The following DISC1 variants were observed in gnomAD, a reference collection of about 807,000 sequenced individuals.
DISC1 encodes disrupted in schizophrenia 1 protein.
In DISC1, 57 loss-of-function variants were observed where a neutral mutation model predicts 84.5. That is an observed-to-expected ratio of 0.67 (90% CI 0.55 to 0.84). The LOEUF (loss-of-function observed/expected upper bound fraction) is 0.84. DISC1 is among the 40% of genes least tolerant of loss of function. The pLI is 0.00. For missense variants in DISC1, 1,000 were observed against 1,057.8 expected (o/e 0.95, Z 0.76); for synonymous variants, 411 against 415.2 (o/e 0.99, Z 0.12).
chr1:232,016,655 A>G (rs1251594101), intron 11 of DISC1, among the ~76,000 whole-genome samples: 1 of 152,254 alleles, frequency 6.6e-6, no homozygotes, highest in African/African-American at 2.4e-5. Context: ...TATGCCAATT[A>G]GCAAGCAATT....
intron 9 of DISC1, among the ~76,000 whole-genome samples, chr1:231,912,000 C>T (rs991382632): frequency 9.2e-5 from 14 of 152,148 alleles, no homozygotes; most frequent in African/African-American, 3.1e-4. Context: ...ACATAGTTCT[C>T]GTACCATGTT....
chr1:231,802,077 A>G (rs979212152), intron 8 of DISC1, among the ~76,000 whole-genome samples: 1 of 151,764 alleles, frequency 6.6e-6, no homozygotes, highest in African/African-American at 2.4e-5. Context: ...AATGGAGAGG[A>G]TCTTAAGGGA....
intron 9 of DISC1, among the ~76,000 whole-genome samples, chr1:231,927,963 G>A (rs1572115364): frequency 6.6e-6 from 1 of 152,322 alleles, no homozygotes; most frequent in African/African-American, 2.4e-5. Flanking sequence ...GATGTGCATT[G>A]TCTACTTGGA....
In DISC1 at chr1:231,771,232, TG is replaced by T. The variant is rs972845121; in HGVS notation, c.1634+166del. 9.4e-5 allele frequency: 93 copies of T among 985,354 alleles called. No individual in the cohort carries two copies. The African/African-American group carries it at 1.6e-3, about 17-fold the overall frequency. The allele number at this position is 985,354 out of a possible 1,614,324, so 61.0% of individuals were successfully genotyped here. On this transcript the variant is annotated intron_variant, in intron 6 of 12. Transcript: ENST00000439617. ...TTGGGTGGGAAAATTCTTCACGGTG[TG>T]GGGCAGTCCTGAACATTGCAAGTTA... is the stretch of plus-strand genomic sequence containing the variant.
intron 1 of DISC1, among the ~76,000 whole-genome samples, chr1:231,673,998 G>T (rs1157413507): frequency 6.6e-6 from 1 of 152,176 alleles, no homozygotes; most frequent in Admixed American, 6.5e-5. Context: ...GTAGGACTGA[G>T]GCCAGACTTC....
At chr1:232,004,984 CCTT>C (rs1280548125) in intron 10 of DISC1, among the ~76,000 whole-genome samples, 1 of 115,804 alleles carries the variant, frequency 8.6e-6, no homozygotes, top group African/African-American at 3.5e-5. Context: ...TTCCTTCCAT[CCTT>C]CTTCTCTTCT....
chr1:231,715,218 G>A (rs952067453), intron 3 of DISC1, among the ~76,000 whole-genome samples: 2 of 152,156 alleles, frequency 1.3e-5, no homozygotes, highest in African/African-American at 4.8e-5. Flanking sequence ...GAAGATGGGG[G>A]AACTGGTGCA....
chr1:231,702,559 C>A, intron 3 of DISC1: 1 of 985,454 alleles, frequency 1.0e-6, no homozygotes, highest in Non-Finnish European at 1.2e-6. Flanking sequence ...TTTCCACATA[C>A]ATGGCCTAAA....
intron 1 of DISC1, among the ~76,000 whole-genome samples, chr1:231,632,562 A>G (rs2058810857): frequency 6.6e-6 from 1 of 152,232 alleles, no homozygotes; most frequent in Non-Finnish European, 1.5e-5. Context: ...AAGTGGCAGT[A>G]GAGATCATGT....
At chr1:231,923,067 G>C (rs772069326) in intron 9 of DISC1, among the ~76,000 whole-genome samples, 9 of 152,066 alleles carry the variant, frequency 5.9e-5, no homozygotes, top group Non-Finnish European at 1.2e-4. Flanking sequence ...CATGAGGTCA[G>C]GACATTAAGA....
chr1:231,725,887 C>T (rs571214826), intron 3 of DISC1, among the ~76,000 whole-genome samples: 8 of 152,070 alleles, frequency 5.3e-5, no homozygotes, highest in African/African-American at 1.7e-4. Context: ...ATTGGTCCTA[C>T]GAGTGCTGGA....
At chr1:231,959,525 G>C in intron 10 of DISC1, 1 of 983,872 alleles carries the variant, frequency 1.0e-6, no homozygotes, top group Non-Finnish European at 1.2e-6. Context: ...AAGTCATTTA[G>C]TTTTATGGAG....
chr1:231,686,446 G>A (rs1208569926), intron 1 of DISC1, among the ~76,000 whole-genome samples: 1 of 152,202 alleles, frequency 6.6e-6, no homozygotes, highest in African/African-American at 2.4e-5. Flanking sequence ...AAGGCTTAGG[G>A]CTTGGACCCT....
At chr1:231,740,278 A>G (rs1464096007) in intron 3 of DISC1, among the ~76,000 whole-genome samples, 1 of 152,212 alleles carries the variant, frequency 6.6e-6, no homozygotes, top group Non-Finnish European at 1.5e-5. Context: ...TCATGATTTA[A>G]AAACATCTTG....
chr1:231,842,079 A>G (rs547108045), intron 9 of DISC1, among the ~76,000 whole-genome samples: 285 of 152,044 alleles, frequency 1.9e-3, no homozygotes, highest in Non-Finnish European at 3.2e-3. Context: ...GACTCACTGC[A>G]TCCTCACACT....
chr1:231,944,710 C>T (rs1299964590), intron 9 of DISC1, among the ~76,000 whole-genome samples: 2 of 152,200 alleles, frequency 1.3e-5, no homozygotes, highest in Non-Finnish European at 2.9e-5. Context: ...CCTAGGAAAG[C>T]ACAGACTGGC....
At chr1:232,015,613 G>T (rs1668420977) in intron 11 of DISC1, among the ~76,000 whole-genome samples, 1 of 152,102 alleles carries the variant, frequency 6.6e-6, no homozygotes. Context: ...AAAGTCAAGA[G>T]CTTCCACTCC....
chr1:231,959,990 C>G (rs1199023962), intron 10 of DISC1, among the ~76,000 whole-genome samples: 2 of 152,182 alleles, frequency 1.3e-5, no homozygotes, highest in African/African-American at 4.8e-5. Context: ...ATTAGGTTAT[C>G]AGGCAGCCAG....
At chr1:231,809,523 T>TTAAAA (rs1491410470) in intron 8 of DISC1, among the ~76,000 whole-genome samples, 9 of 78,134 alleles carry the variant, frequency 1.2e-4, no homozygotes, top group Non-Finnish European at 1.7e-4. Context: ...CTTTTTTTTT[T>TTAAAA]GAAAAAAAAA....
Sources: allele counts gnomAD v4.1 joint callset (sites outside exome capture counted in the v4.1 genomes callset), GRCh38; gene constraint gnomAD v4.1.1; transcripts MANE v1.5; gene names NCBI Gene and HGNC (gene_info 2026-07-23, HGNC 2026-07-21).